The following PLXNA2 variants were observed in gnomAD, a reference collection of about 807,000 sequenced individuals.
PLXNA2 encodes plexin A2, also known as plexin-A2.
PLXNA2 carries 91 observed loss-of-function variants against 193.5 expected under a neutral mutation model. The observed-to-expected ratio is 0.47, with a 90% CI of 0.40 to 0.56. The LOEUF is 0.56. Among genes scored for constraint, PLXNA2 ranks in the 20% least tolerant of loss-of-function variants. PLXNA2 has a pLI of 0.00. For synonymous variants in PLXNA2, 997 were observed against 1,027.3 expected (o/e 0.97, Z 0.56); for missense variants, 1,995 against 2,503.2 (o/e 0.80, Z 4.33).
chr1:208,226,023 G>C (rs1190270299), intron 1 of PLXNA2, among the ~76,000 whole-genome samples: 2 of 152,176 alleles, frequency 1.3e-5, no homozygotes, highest in African/African-American at 2.4e-5. Context: ...AAAGGAGAGG[G>C]GTCTGGGTGT....
intron 4 of PLXNA2, among the ~76,000 whole-genome samples, chr1:208,131,209 T>C (rs980164472): frequency 2.6e-5 from 4 of 152,164 alleles, no homozygotes; most frequent in African/African-American, 9.7e-5. Context: ...GTTCACTGAC[T>C]TCCCCTTTGC....
At chr1:208,243,456 G>A (rs1316211745) in intron 1 of PLXNA2, among the ~76,000 whole-genome samples, 187 bp downstream of exon 1, 2 of 151,964 alleles carry the variant, frequency 1.3e-5, no homozygotes, top group African/African-American at 4.8e-5. Context: ...TCGCGCGCAC[G>A]CCGCGCTCCA....
chr1:208,178,860 C>T (rs547759110), intron 3 of PLXNA2, among the ~76,000 whole-genome samples: 32 of 152,340 alleles, frequency 2.1e-4, no homozygotes, highest in African/African-American at 6.5e-4. Flanking sequence ...AAATGCTGGG[C>T]GTGGGACCCA....
chr1:208,087,451 C>A (rs1381668661), intron 9 of PLXNA2, among the ~76,000 whole-genome samples: 1 of 151,270 alleles, frequency 6.6e-6, no homozygotes, highest in South Asian at 2.1e-4. Flanking sequence ...CCATGGTCTG[C>A]TGTTTCAGAC....
In PLXNA2 at chr1:208,022,265, T is replaced by C. The variant is rs1290266409; in HGVS notation, c.*4978A>G. 2 of 152,552 alleles carry C rather than the reference T, an allele frequency of 1.3e-5. No homozygotes were observed. The highest frequency in any genetic ancestry group is 2.9e-5 in the Non-Finnish European group (2 of 68,042). 9.4% of individuals were successfully genotyped at this position (152,552 alleles called of 1,614,324 possible). A position where few individuals can be genotyped will look rare whatever the true frequency, so the allele number is the denominator to read the frequency against. On this transcript the variant is annotated 3_prime_UTR_variant, in exon 32 of 32. Coordinates refer to ENST00000367033, the MANE Select transcript of PLXNA2 (RefSeq NM_025179.4). ...GGTTTATTTAAAGATTTAAGGTTTTTTTAATTCAGTAAACTTTATTTATAT... is the reference window on the plus strand; with the variant it reads ...GGTTTATTTAAAGATTTAAGGTTTTCTTAATTCAGTAAACTTTATTTATAT...
chr1:208,224,509 C>T lies in PLXNA2; in HGVS notation c.-80-6507G>A, dbSNP rs191742617. Among the ~76,000 whole-genome samples, 159 of 147,726 alleles carry T rather than the reference C, an allele frequency of 1.1e-3. 2 individuals are homozygous for T. Among genetic ancestry groups the T allele is most frequent in the African/African-American group, 3.7e-3 (148 of 39,696 alleles). On this transcript the variant is annotated intron_variant, in intron 1 of 31. Transcript: ENST00000367033. ...TTGTTATTAGTATATTTTATGCACGCGATTTAAAGGGAAAAGGGGGAGGGG... is the reference window on the plus strand; with the variant it reads ...TTGTTATTAGTATATTTTATGCACGTGATTTAAAGGGAAAAGGGGGAGGGG...
Position 208,096,891 on chromosome 1 carries a change from A to T in PLXNA2, c.1732-8T>A. The stretch of plus-strand genomic sequence containing the variant: ...ACTCACTACCAGGCTAAGCTGTGGG[A>T]GGAGCAAAGAGATGATGCCAAAGAA... On this transcript the variant is annotated splice_polypyrimidine_tract_variant and splice_region_variant and intron_variant, in intron 6 of 31. Transcript: ENST00000367033. 1 of 1,611,500 alleles carries T rather than the reference A, an allele frequency of 6.2e-7. No homozygotes were observed.
At chr1:208,096,673 G>A in intron 7 of PLXNA2, 57 bp downstream of exon 7, 1 of 1,586,518 alleles carries the variant, frequency 6.3e-7, no homozygotes, top group South Asian at 1.1e-5. Flanking sequence ...GTGACCCCCA[G>A]CTCCCTCAGT....
intron 1 of PLXNA2, among the ~76,000 whole-genome samples, chr1:208,240,471 A>C (rs185441688): frequency 4.5e-4 from 68 of 152,352 alleles, no homozygotes; most frequent in Non-Finnish European, 8.2e-4. Context: ...CAGGCATGAA[A>C]TCTTTGTAAC....
intron 2 of PLXNA2, among the ~76,000 whole-genome samples, chr1:208,211,762 TA>T (rs1053734923): frequency 1.3e-5 from 2 of 151,960 alleles, no homozygotes; most frequent in African/African-American, 4.8e-5. Flanking sequence ...GTTCTGCTAC[TA>T]ACTGGTTGTG....
intron 12 of PLXNA2, among the ~76,000 whole-genome samples, chr1:208,066,939 A>G (rs1472180469): frequency 2.0e-5 from 3 of 152,248 alleles, no homozygotes; most frequent in African/African-American, 7.2e-5. Context: ...ATTATAGAAT[A>G]AGGATATAAA....
At chr1:208,238,167 G>A (rs1218829105) in intron 1 of PLXNA2, among the ~76,000 whole-genome samples, 2 of 152,162 alleles carry the variant, frequency 1.3e-5, no homozygotes, top group Non-Finnish European at 1.5e-5. Flanking sequence ...AAGCGTCGGA[G>A]AGAATATGTG....
At chr1:208,058,801 C>T (rs1306152853) in intron 13 of PLXNA2, among the ~76,000 whole-genome samples, 4 of 152,212 alleles carry the variant, frequency 2.6e-5, no homozygotes, top group Non-Finnish European at 5.9e-5. Context: ...GAGTGCAGTA[C>T]ATTTCCTTTC....
chr1:208,073,105 A>G (rs1666025462), intron 12 of PLXNA2, among the ~76,000 whole-genome samples: 1 of 152,222 alleles, frequency 6.6e-6, no homozygotes, highest in Non-Finnish European at 1.5e-5. Context: ...ATAATAGCCA[A>G]CTTGCAGGGT....
intron 3 of PLXNA2, among the ~76,000 whole-genome samples, chr1:208,196,730 G>A (rs1288229982): frequency 6.6e-6 from 1 of 152,202 alleles, no homozygotes; most frequent in Non-Finnish European, 1.5e-5. Context: ...GAAAAAGACT[G>A]AAGGCATTTG....
chr1:208,178,378 A>G (rs1437672045), intron 3 of PLXNA2, among the ~76,000 whole-genome samples: 1 of 152,234 alleles, frequency 6.6e-6, no homozygotes, highest in Non-Finnish European at 1.5e-5. Flanking sequence ...CAGGTGGGGA[A>G]GAATGAGGGT....
intron 2 of PLXNA2, among the ~76,000 whole-genome samples, chr1:208,215,627 G>C (rs1671100034): frequency 6.6e-6 from 1 of 151,170 alleles, no homozygotes; most frequent in Non-Finnish European, 1.5e-5. Context: ...TAGATGGATG[G>C]ATGGATGATG....
Position 208,027,246 on chromosome 1 carries a change from G to C in PLXNA2, c.5682C>G (p.Ser1894Arg), listed in dbSNP as rs1411033225. 6.2e-7 allele frequency: 1 copy of C among 1,612,900 alleles called. No individual in the cohort carries two copies. Among genetic ancestry groups the C allele is most frequent in the Admixed American group, 1.7e-5 (1 of 60,024 alleles). ...CAGGAATGCGAGGCTCCTCCTCTCA[G>C]CTCTCAATGGACATGGCATTAATGA... ...EQLINAMSIES is the reference protein window; with the variant it reads ...EQLINAMSIER The change falls in exon 32 of 32, where the codon AGC becomes AGG. Residue 1894 changes from serine (S) to arginine (R), a missense_variant. Physicochemically the swap from Ser to Arg is moderately radical, Grantham distance 110 (BLOSUM62 -1). Coordinates refer to ENST00000367033, the MANE Select transcript of PLXNA2 (RefSeq NM_025179.4).
Position 208,044,709 on chromosome 1 carries a change from A to G in PLXNA2, c.3673T>C (p.Ser1225Pro), listed in dbSNP as rs1664994535. The change falls in exon 20 of 32, where the codon TCG (serine) becomes CCG (proline). Residue 1225 changes from serine (S) to proline (P), a missense_variant. Physicochemically the swap from Ser to Pro is moderately conservative, Grantham distance 74. Coordinates refer to ENST00000367033, the MANE Select transcript of PLXNA2 (RefSeq NM_025179.4). The surrounding 1 kb of genome is among the most constrained non-coding windows in gnomAD (Gnocchi z 4.9). ...HVGGMVFSPG[S>P]VSVISDSLLT... ...AAGCTGTCTGAGATGACACTCACCG[A>G]GCCAGGCGAGAACACCATCCCGCCC... 6.2e-7 allele frequency: 1 copy of G among 1,613,958 alleles called. No individual in the cohort carries two copies.
Sources: gnomAD v4.1 joint callset for allele counts (sites outside exome capture counted in the v4.1 genomes callset) on GRCh38, gnomAD v4.1.1 for gene constraint, Gnocchi (gnomAD v3.1) non-coding constraint, MANE v1.5 for transcripts, NCBI Gene and HGNC (gene_info 2026-07-23, HGNC 2026-07-21) for gene names.